The following CDH13 variants were observed in gnomAD, a reference collection of about 807,000 sequenced individuals.
The protein encoded by CDH13 is cadherin-13.
A neutral mutation model predicts 63.8 loss-of-function variants in CDH13; 24 were observed. The observed-to-expected ratio is 0.38, with a 90% confidence interval of 0.27 to 0.53. The LOEUF (loss-of-function observed/expected upper bound fraction) is 0.53, where lower values mean the gene tolerates loss of function less well. Ranked by LOEUF, CDH13 falls within the 20% of genes least tolerant of loss-of-function variation. CDH13 has a pLI of 0.85. For missense variants in CDH13, 1,049 were observed against 903.1 expected, an observed-to-expected ratio of 1.16 and a Z score of -2.07; for synonymous variants, 503 against 355.3, an observed-to-expected ratio of 1.42 and a Z score of -4.67.
chr16:83,691,515 C>G (rs1396594672), intron 10 of CDH13, among the ~76,000 whole-genome samples: 2 of 152,088 alleles, frequency 1.3e-5, no homozygotes, highest in Non-Finnish European at 2.9e-5. Flanking sequence ...CCCCTTACAG[C>G]CTTGCAAAGA....
At chr16:83,423,281 C>T (rs1441395039) in intron 6 of CDH13, among the ~76,000 whole-genome samples, 2 of 152,126 alleles carry the variant, frequency 1.3e-5, no homozygotes, top group Non-Finnish European at 2.9e-5. Context: ...CCCAAGAGAC[C>T]ATCTTTTAAC....
chr16:83,609,844 A>C (rs1908692474), intron 8 of CDH13, among the ~76,000 whole-genome samples: 1 of 152,158 alleles, frequency 6.6e-6, no homozygotes, highest in Non-Finnish European at 1.5e-5. Flanking sequence ...ATCGTCCCAA[A>C]AAGAAACCCG....
At chr16:83,084,421 A>G (rs1400755128) in intron 3 of CDH13, among the ~76,000 whole-genome samples, 1 of 152,040 alleles carries the variant, frequency 6.6e-6, no homozygotes, top group Non-Finnish European at 1.5e-5. Context: ...TTACTGTGTG[A>G]CCTCCTATTG....
intron 2 of CDH13, among the ~76,000 whole-genome samples, chr16:82,928,339 T>C (rs563153399): frequency 7.9e-5 from 12 of 152,344 alleles, no homozygotes; most frequent in African/African-American, 2.9e-4. Context: ...ATAAATGATA[T>C]TTCTTCATGT....
intron 1 of CDH13, among the ~76,000 whole-genome samples, chr16:82,730,332 T>C (rs1450968966): frequency 6.6e-6 from 1 of 152,152 alleles, no homozygotes; most frequent in East Asian, 1.9e-4. Context: ...TCCTTGAGCA[T>C]TTAGAGACCA....
rs148369561 is a variant in CDH13, at chr16:82,846,547, C to T, written c.46-11815C>T. 1.1e-3 allele frequency among the ~76,000 whole-genome samples: 164 copies of T among 152,210 alleles called. 3 individuals carry two copies. The East Asian group carries it at 0.029, about 27-fold the overall frequency. ...AGGCAAAGAGAATTTAAGTAACTTG[C>T]TCAGGGTCACATAGAAACTAACTGG... On this transcript the variant is annotated intron_variant, in intron 1 of 13. Coordinates refer to ENST00000567109, the MANE Select transcript of CDH13 (RefSeq NM_001257.5).
At chr16:83,522,777 G>T (rs990630693) in intron 7 of CDH13, among the ~76,000 whole-genome samples, 1 of 152,132 alleles carries the variant, frequency 6.6e-6, no homozygotes, top group African/African-American at 2.4e-5. Context: ...CCTTGGGGCT[G>T]TGCATTCTCC....
intron 4 of CDH13, among the ~76,000 whole-genome samples, chr16:83,204,107 T>C (rs757787706): frequency 2.6e-5 from 4 of 152,216 alleles, no homozygotes; most frequent in African/African-American, 4.8e-5. Context: ...TGAATGGCCA[T>C]GTCACACGGA....
At chr16:83,727,040 C>T (rs1910491141) in intron 10 of CDH13, among the ~76,000 whole-genome samples, 1 of 152,174 alleles carries the variant, frequency 6.6e-6, no homozygotes, top group South Asian at 2.1e-4. Context: ...ATTCACATAC[C>T]GTACAATTCA....
At chr16:83,264,675 C>T (rs183437223) in intron 5 of CDH13, among the ~76,000 whole-genome samples, 257 of 151,374 alleles carry the variant, frequency 1.7e-3, no homozygotes, top group Non-Finnish European at 3.0e-3. Context: ...ATATCTATGG[C>T]TTGCAGCTTA....
chr16:82,705,983 G>T (rs999769203), intron 1 of CDH13, among the ~76,000 whole-genome samples: 95 of 151,960 alleles, frequency 6.3e-4, no homozygotes, highest in Non-Finnish European at 5.1e-4. Context: ...TTATACCCAG[G>T]TTATCTACCC....
At chr16:83,203,618 C>G (rs1489642297) in intron 4 of CDH13, among the ~76,000 whole-genome samples, 3 of 133,812 alleles carry the variant, frequency 2.2e-5, no homozygotes, top group Non-Finnish European at 4.6e-5. Flanking sequence ...ACCCGGGAGG[C>G]GCCACTGCAT....
intron 5 of CDH13, among the ~76,000 whole-genome samples, chr16:83,234,330 G>T (rs549847470): frequency 6.6e-6 from 1 of 152,292 alleles, no homozygotes; most frequent in Non-Finnish European, 1.5e-5. Flanking sequence ...TTCCTGTTTG[G>T]CACAGTCCTG....
chr16:82,639,494 G>A (rs184153489), intron 1 of CDH13: 1 of 1,440,558 alleles, frequency 6.9e-7, no homozygotes, highest in Admixed American at 2.0e-5. Context: ...GTGTCGTGTG[G>A]CTGGATGGAA....
At chr16:83,195,348 A>G (rs1376644745) in intron 4 of CDH13, among the ~76,000 whole-genome samples, 1 of 152,208 alleles carries the variant, frequency 6.6e-6, no homozygotes, top group South Asian at 2.1e-4. Flanking sequence ...TTTATAAAGT[A>G]AAGAGGTTGA....
At chr16:82,983,008 C>T (rs781418761) in intron 2 of CDH13, among the ~76,000 whole-genome samples, 11 of 152,104 alleles carry the variant, frequency 7.2e-5, no homozygotes, top group Non-Finnish European at 1.3e-4. Flanking sequence ...ACAGGGAACA[C>T]GACTGACATG....
intron 8 of CDH13, among the ~76,000 whole-genome samples, chr16:83,656,856 G>A (rs1423941840): frequency 6.6e-6 from 1 of 152,162 alleles, no homozygotes; most frequent in Non-Finnish European, 1.5e-5. Context: ...ATTTTAGAAG[G>A]CATTTCATCT....
rs145730691 is a variant in CDH13, at chr16:83,538,860, T to C, written c.960+52205T>C. 1.2e-4 allele frequency among the ~76,000 whole-genome samples: 19 copies of C among 152,340 alleles called. No homozygotes were observed. In the East Asian group the frequency reaches 3.7e-3, roughly 29 times the overall value. The stretch of plus-strand genomic sequence containing the variant: ...AATTCCTGGTTGAAAGGTATATTAA[T>C]ATAAAATTTTGTAAAAAAATATATG... On this transcript the variant is annotated intron_variant, in intron 7 of 13. Coordinates refer to ENST00000567109, the MANE Select transcript of CDH13 (RefSeq NM_001257.5).
intron 2 of CDH13, among the ~76,000 whole-genome samples, chr16:82,986,782 T>C (rs1910994483): frequency 6.6e-6 from 1 of 152,200 alleles, no homozygotes; most frequent in Non-Finnish European, 1.5e-5. Flanking sequence ...GATGAATGTC[T>C]ACAAATACCG....
Sources: gnomAD v4.1 joint callset for allele counts (sites outside exome capture counted in the v4.1 genomes callset) on GRCh38, gnomAD v4.1.1 for gene constraint, MANE v1.5 for transcripts, NCBI Gene and HGNC (gene_info 2026-07-23, HGNC 2026-07-21) for gene names.